The following CFLAR variants were observed in gnomAD, a reference collection of about 807,000 sequenced individuals.
CFLAR encodes CASP8 and FADD like apoptosis regulator, also known as CASP8 and FADD-like apoptosis regulator.
CFLAR carries 14 observed loss-of-function variants against 51.1 expected under a neutral mutation model. The observed-to-expected ratio is 0.27, with a 90% CI of 0.18 to 0.43. The LOEUF (loss-of-function observed/expected upper bound fraction) is 0.43. Ranked by LOEUF, CFLAR falls within the 20% of genes least tolerant of loss-of-function variation. The pLI is 1.00. For missense variants in CFLAR, 390 were observed against 566.5 expected, an observed-to-expected ratio of 0.69 and a Z score of 3.16; for synonymous variants, 210 against 211.6, an observed-to-expected ratio of 0.99 and a Z score of 0.06.
rs1216919973 is a variant in CFLAR at position 201,154,789 on chromosome 2, CTTTG to C, written c.793+4960_793+4963del. On this transcript the variant is annotated intron_variant, in intron 8 of 9. Coordinates refer to ENST00000309955, the MANE Select transcript of CFLAR (RefSeq NM_003879.7). ...CCCCCAAGTATTTAAAGCTTTATTT[CTTTG>C]TTTGTCCAGTAAATGTTCGTTGAGG... is the stretch of plus-strand genomic sequence containing the variant. 5.9e-5 allele frequency among the ~76,000 whole-genome samples: 9 copies of C among 152,346 alleles called. No homozygotes were observed. The South Asian group carries it at 6.2e-4, about 11-fold the overall frequency.
In CFLAR at chr2:201,166,602, G is replaced by A; in HGVS notation, c.*2629G>A. The A allele has an allele frequency of 5.6e-6, 1 of 180,112 alleles. No homozygotes were observed. Among genetic ancestry groups the A allele is most frequent in the Non-Finnish European group, 1.2e-5 (1 of 86,658 alleles). The allele number at this position is 180,112 out of a possible 1,614,324, so 11.2% of individuals were successfully genotyped here. ...GAAGCTGTAATCTCGGCACCCTGGG[G>A]GGCCAAGGCAGGCGGCTGGGAGGCG... On this transcript the variant is annotated 3_prime_UTR_variant, in exon 10 of 10. Transcript: ENST00000309955.
intron 8 of CFLAR, chr2:201,150,989 G>A (rs956861922): frequency 6.6e-6 from 1 of 152,172 alleles, no homozygotes; most frequent in Non-Finnish European, 1.5e-5. Context: ...AATATTAATG[G>A]AAGGCATTCT....
intron 5 of CFLAR, among the ~76,000 whole-genome samples, chr2:201,143,145 A>G (rs1939336193): frequency 6.6e-6 from 1 of 152,172 alleles, no homozygotes. Context: ...GTGAGCCCAT[A>G]TGCTTTGCAT....
intron 4 of CFLAR, 70 bp from the exon 5 acceptor site, chr2:201,140,287 A>G (rs1355145427): frequency 1.3e-6 from 2 of 1,568,216 alleles, no homozygotes; most frequent in East Asian, 2.3e-5. Flanking sequence ...CTTGGACTGA[A>G]CCACTATTGA....
chr2:201,125,116 C>T (rs1559173914), intron 1 of CFLAR, among the ~76,000 whole-genome samples: 1 of 152,044 alleles, frequency 6.6e-6, no homozygotes, highest in African/African-American at 2.4e-5. Context: ...GACATAAATG[C>T]AAAAAATCTA....
chr2:201,148,816 T>A (rs1041536129), intron 6 of CFLAR, 187 bp from the exon 7 acceptor site: 4 of 532,990 alleles, frequency 7.5e-6, no homozygotes, highest in Non-Finnish European at 1.0e-5. Flanking sequence ...CTGGGACTTG[T>A]GTTTTCTTAT....
intron 8 of CFLAR, among the ~76,000 whole-genome samples, chr2:201,154,913 A>AAT (rs1323882100): frequency 1.3e-5 from 2 of 152,372 alleles, no homozygotes; most frequent in Non-Finnish European, 2.9e-5. Flanking sequence ...TTGTGCATGA[A>AAT]ATAAGGTTAT....
At chr2:201,150,632 G>A (rs1941129227) in intron 8 of CFLAR, 3 of 152,248 alleles carry the variant, frequency 2.0e-5, no homozygotes, top group African/African-American at 7.2e-5. Flanking sequence ...ATCTTCTGAG[G>A]TCTTGGAGTT....
intron 9 of CFLAR, among the ~76,000 whole-genome samples, chr2:201,162,255 A>T (rs1418512110): frequency 6.6e-6 from 1 of 151,448 alleles, no homozygotes; most frequent in Non-Finnish European, 1.5e-5. Flanking sequence ...GGCGCACACC[A>T]CTACGGCTTT....
At position 201,160,885 on chromosome 2, in the gene CFLAR, C is replaced by G. The variant is rs377751722; in HGVS notation, c.1247C>G (p.Ser416Cys). 5.6e-6 allele frequency: 9 copies of G among 1,611,358 alleles called. No individual in the cohort carries two copies. Among genetic ancestry groups the G allele is most frequent in the African/African-American group, 1.3e-5 (1 of 74,776 alleles). Residue 416 changes from serine (S) to cysteine (C), a missense_variant, in exon 9 of 10, where the codon TCT (serine) becomes TGT (cysteine). Ser to Cys is a moderately radical substitution (Grantham distance 112). This residue lies in a region of CFLAR where 287 missense variants were observed against 363.6 expected (regional missense o/e 0.79). Coordinates refer to ENST00000309955, the MANE Select transcript of CFLAR (RefSeq NM_003879.7). ...CTADMSLLEQ[S>C]HSSPSLYLQC... ...GCGGACATGTCCCTGCTGGAGCAGT[C>G]TCACAGCTCACCATCCCTGTACCTG...
intron 9 of CFLAR, chr2:201,163,001 C>T (rs1227699237): frequency 1.3e-6 from 1 of 750,068 alleles, no homozygotes; most frequent in Non-Finnish European, 2.4e-6. Flanking sequence ...TCTAGGGGGA[C>T]AATTCCCGGA....
chr2:201,137,976 A>G (rs909222975), intron 4 of CFLAR: 14 of 749,448 alleles, frequency 1.9e-5, no homozygotes, highest in African/African-American at 1.4e-4. Flanking sequence ...ACCATCGGCT[A>G]TGATGGGCAC....
intron 8 of CFLAR, among the ~76,000 whole-genome samples, chr2:201,152,143 G>T (rs59915328): frequency 6.6e-6 from 1 of 151,928 alleles, no homozygotes; most frequent in South Asian, 2.1e-4. Flanking sequence ...ACAGGCGCCC[G>T]CCACCATGCC....
intron 8 of CFLAR, among the ~76,000 whole-genome samples, chr2:201,158,295 A>G (rs1312248596): frequency 1.3e-5 from 2 of 152,248 alleles, no homozygotes; most frequent in African/African-American, 4.8e-5. Context: ...CAGAACCTCC[A>G]GGGAGCACAA....
rs1327960818 is a variant in CFLAR, at chr2:201,153,945, G to A, written c.793+4110G>A. Among the ~76,000 whole-genome samples, 62 of 123,108 alleles carry A rather than the reference G, an allele frequency of 5.0e-4. No homozygotes were observed. The South Asian group carries it at 8.3e-3, about 17-fold the overall frequency. The allele number at this position is 123,108 out of a possible 152,430, so 80.8% of individuals were successfully genotyped here. On this transcript the variant is annotated intron_variant, in intron 8 of 9. Coordinates refer to ENST00000309955, the MANE Select transcript of CFLAR (RefSeq NM_003879.7). ...TTTTTTGACAGAGTCTTGCTCTGTC[G>A]CCAGGCTGGAGTGCAGTGGTGCAAT...
intron 1 of CFLAR, among the ~76,000 whole-genome samples, chr2:201,123,882 C>T (rs888412623): frequency 2.0e-5 from 3 of 152,212 alleles, no homozygotes. Context: ...CTGGATGACA[C>T]TTTGTTTCAT....
intron 4 of CFLAR, chr2:201,136,843 G>C (rs2050198555): frequency 4.0e-6 from 1 of 251,176 alleles, no homozygotes; most frequent in African/African-American, 2.2e-5. Context: ...TTAACACACA[G>C]GGACGCAACA....
rs2125985780 is a variant in CFLAR at position 201,170,091 on chromosome 2, A to G, written c.*6118A>G. On this transcript the variant is annotated 3_prime_UTR_variant, in exon 10 of 10. Coordinates refer to ENST00000309955, the MANE Select transcript of CFLAR (RefSeq NM_003879.7). ...ACTAGAAATACTATTTGTCCCAGCA[A>G]TCCCATTACTGGGTATATACCCAAA... The G allele has an allele frequency of 6.6e-6, 1 of 152,352 alleles. No homozygotes were observed. Among genetic ancestry groups the G allele is most frequent in the South Asian group, 2.1e-4 (1 of 4,826 alleles). 9.4% of individuals were successfully genotyped at this position (152,352 alleles called of 1,614,324 possible).
chr2:201,163,789 T>C lies in CFLAR; in HGVS notation c.1305-46T>C, dbSNP rs1943289140. On this transcript the variant is annotated intron_variant, in intron 9 of 9. Transcript: ENST00000309955. ...TTTCGCCCTAATGACAGTCTTCTCT[T>C]TGATATTTGCATGGCATTAAATTTT... 4 of 1,578,672 alleles carry C rather than the reference T, an allele frequency of 2.5e-6. No individual in the cohort carries two copies. The East Asian group carries it at 9.0e-5, about 36-fold the overall frequency.
Sources: allele counts gnomAD v4.1 joint callset (sites outside exome capture counted in the v4.1 genomes callset), GRCh38; gene constraint gnomAD v4.1.1; regional missense constraint gnomAD v4.1.1; transcripts MANE v1.5; gene names NCBI Gene and HGNC (gene_info 2026-07-23, HGNC 2026-07-21).